The following CCSER1 variants were observed in gnomAD, a reference collection of about 807,000 sequenced individuals.
CCSER1 encodes the protein serine-rich coiled-coil domain-containing protein 1.
CCSER1 carries 41 observed loss-of-function variants against 82.0 expected under a neutral mutation model. The observed-to-expected ratio is 0.50, with a 90% CI of 0.39 to 0.65. The LOEUF (loss-of-function observed/expected upper bound fraction) is 0.65, where lower values mean the gene tolerates loss of function less well. CCSER1 is among the 30% of genes least tolerant of loss of function. The probability of loss-of-function intolerance (pLI) is 0.00; values close to 1 mark genes in which losing one functional copy is unlikely to be tolerated. For synonymous variants in CCSER1, 414 were observed against 383.9 expected, an observed-to-expected ratio of 1.08 and a Z score of -0.92; for missense variants, 1,119 against 1,064.2, an observed-to-expected ratio of 1.05 and a Z score of -0.72.
intron 1 of CCSER1, among the ~76,000 whole-genome samples, chr4:90,242,025 G>C (rs1746950040): frequency 6.6e-6 from 1 of 152,118 alleles, no homozygotes; most frequent in Non-Finnish European, 1.5e-5. Context: ...ACAAAGCATA[G>C]GCTGGGCGCA....
intron 7 of CCSER1, among the ~76,000 whole-genome samples, chr4:90,785,404 G>T (rs1754364687): frequency 6.6e-6 from 1 of 152,046 alleles, no homozygotes; most frequent in Non-Finnish European, 1.5e-5. Flanking sequence ...GACTTGACTG[G>T]CTCTCTTTTT....
At chr4:91,140,360 A>G (rs985129836) in intron 10 of CCSER1, among the ~76,000 whole-genome samples, 1 of 151,950 alleles carries the variant, frequency 6.6e-6, no homozygotes, top group Non-Finnish European at 1.5e-5. Flanking sequence ...TTTATTGGTA[A>G]TATTGCTTAA....
At chr4:91,402,287 G>T (rs577368946) in intron 10 of CCSER1, among the ~76,000 whole-genome samples, 17 of 152,242 alleles carry the variant, frequency 1.1e-4, no homozygotes, top group African/African-American at 4.1e-4. Context: ...GTAGATTCTG[G>T]AAATTAGCCT....
chr4:90,554,350 C>T (rs1777872257), intron 5 of CCSER1, among the ~76,000 whole-genome samples: 1 of 152,110 alleles, frequency 6.6e-6, no homozygotes, highest in Non-Finnish European at 1.5e-5. Context: ...GCCTCGGCAA[C>T]AGGGCAAAGC....
intron 1 of CCSER1, among the ~76,000 whole-genome samples, chr4:90,203,100 T>A (rs1272214212): frequency 1.3e-5 from 2 of 152,220 alleles, no homozygotes; most frequent in Non-Finnish European, 2.9e-5. Flanking sequence ...AACTATGATT[T>A]CTGTACATAT....
At chr4:91,527,803 G>T (rs1320040853) in intron 10 of CCSER1, among the ~76,000 whole-genome samples, 4 of 152,110 alleles carry the variant, frequency 2.6e-5, no homozygotes, top group African/African-American at 9.7e-5. Context: ...CAATACTGCA[G>T]GTAATACAAG....
chr4:90,494,305 C>A (rs1405597358), intron 5 of CCSER1, among the ~76,000 whole-genome samples: 1 of 152,168 alleles, frequency 6.6e-6, no homozygotes, highest in Non-Finnish European at 1.5e-5. Flanking sequence ...GACTCCCACA[C>A]AATAATAATG....
intron 5 of CCSER1, among the ~76,000 whole-genome samples, chr4:90,609,462 T>C (rs908176017): frequency 1.5e-5 from 2 of 134,030 alleles, no homozygotes; most frequent in African/African-American, 6.7e-5. Flanking sequence ...CAAAAAAGTC[T>C]ATATAGTTTT....
At chr4:90,400,838 C>T (rs1752756986) in intron 4 of CCSER1, among the ~76,000 whole-genome samples, 1 of 152,130 alleles carries the variant, frequency 6.6e-6, no homozygotes, top group African/African-American at 2.4e-5. Flanking sequence ...AACATTTACA[C>T]TTAATTTTTT....
chr4:91,082,840 G>A (rs1211691868), intron 9 of CCSER1, among the ~76,000 whole-genome samples: 1 of 152,160 alleles, frequency 6.6e-6, no homozygotes, highest in Non-Finnish European at 1.5e-5. Flanking sequence ...TCAGAGAAAT[G>A]CAAATCAAAA....
At chr4:91,474,492 TAAAAC>T (rs1051016576) in intron 10 of CCSER1, among the ~76,000 whole-genome samples, 1 of 151,526 alleles carries the variant, frequency 6.6e-6, no homozygotes, top group Non-Finnish European at 1.5e-5. Flanking sequence ...ATTCTATTCT[TAAAAC>T]AAAATTCTTT....
chr4:90,911,991 T>TTGGG (rs1726463943), intron 8 of CCSER1, among the ~76,000 whole-genome samples: 1 of 152,182 alleles, frequency 6.6e-6, no homozygotes, highest in African/African-American at 2.4e-5. Flanking sequence ...GAAGCTGGAA[T>TTGGG]TGGGTGGAGC....
intron 1 of CCSER1, among the ~76,000 whole-genome samples, chr4:90,184,912 T>G (rs940948407): frequency 1.3e-5 from 2 of 152,182 alleles, no homozygotes; most frequent in South Asian, 4.1e-4. Context: ...TTCTACATAG[T>G]TGGATACAAA....
intron 8 of CCSER1, chr4:90,838,777 G>A (rs1762152273): frequency 8.1e-7 from 1 of 1,240,674 alleles, no homozygotes; most frequent in Non-Finnish European, 1.2e-6. Flanking sequence ...GATGTGAAAG[G>A]GGCAGCACAG....
chr4:90,655,329 A>G (rs1729512680), intron 6 of CCSER1, among the ~76,000 whole-genome samples: 1 of 152,034 alleles, frequency 6.6e-6, no homozygotes, highest in Non-Finnish European at 1.5e-5. Flanking sequence ...TTATTAAAAA[A>G]TTTCTGTAGC....
At chr4:90,779,345 T>C (rs923280264) in intron 7 of CCSER1, among the ~76,000 whole-genome samples, 3 of 152,174 alleles carry the variant, frequency 2.0e-5, no homozygotes, top group African/African-American at 7.2e-5. Flanking sequence ...CATTACTTCT[T>C]CAAAAAAGAC....
intron 10 of CCSER1, among the ~76,000 whole-genome samples, chr4:91,412,583 C>T (rs1019691500): frequency 2.0e-5 from 3 of 152,128 alleles, no homozygotes; most frequent in Non-Finnish European, 2.9e-5. Context: ...TCCATAATCA[C>T]TGGAGTCTCC....
intron 10 of CCSER1, among the ~76,000 whole-genome samples, chr4:91,273,036 C>G (rs1369729953): frequency 6.6e-6 from 1 of 152,052 alleles, no homozygotes; most frequent in Non-Finnish European, 1.5e-5. Flanking sequence ...TGTGATGCCT[C>G]CAGATATGTT....
intron 10 of CCSER1, among the ~76,000 whole-genome samples, chr4:91,302,667 GGCC>G (rs1744757857): frequency 6.6e-6 from 1 of 151,938 alleles, no homozygotes; most frequent in African/African-American, 2.4e-5. Context: ...ATTCTAGTGT[GGCC>G]TTTATTACTT....
Sources: gnomAD v4.1 joint callset for allele counts (sites outside exome capture counted in the v4.1 genomes callset) on GRCh38, gnomAD v4.1.1 for gene constraint, MANE v1.5 for transcripts, NCBI Gene and HGNC (gene_info 2026-07-23, HGNC 2026-07-21) for gene names.